The following CNTN1 variants were observed in gnomAD, a reference collection of about 807,000 sequenced individuals.
CNTN1 encodes contactin-1.
CNTN1 carries 38 observed loss-of-function variants against 126.4 expected under a neutral mutation model. The observed-to-expected ratio is 0.30, with a 90% CI of 0.23 to 0.39. The LOEUF (loss-of-function observed/expected upper bound fraction) is 0.39, where lower values mean the gene tolerates loss of function less well. Among genes scored for constraint, CNTN1 ranks in the 10% least tolerant of loss-of-function variants. The pLI is 1.00. For missense variants in CNTN1, 1,009 were observed against 1,248.4 expected, an observed-to-expected ratio of 0.81 and a Z score of 2.89; for synonymous variants, 413 against 422.6, an observed-to-expected ratio of 0.98 and a Z score of 0.28.
At position 41,025,142 on chromosome 12, in the gene CNTN1, G is replaced by A. The variant is rs1451903786; in HGVS notation, c.2524-8G>A. On this transcript the variant is annotated splice_region_variant and splice_polypyrimidine_tract_variant and intron_variant, in intron 20 of 23. Transcript: ENST00000551295. ...TGGCAAAATATAACTCATCCTGAAT[G>A]TTTGCAGATTCGGTATTGGGCTGCC... 6.2e-7 allele frequency: 1 copy of A among 1,613,618 alleles called. No homozygotes were observed.
At chr12:41,038,628 G>A (rs1406158205) in intron 23 of CNTN1, among the ~76,000 whole-genome samples, 1 of 152,118 alleles carries the variant, frequency 6.6e-6, no homozygotes, top group Non-Finnish European at 1.5e-5. Flanking sequence ...ACAAAATTCT[G>A]CCCAAACAGA....
Position 40,983,056 on chromosome 12 carries a change from A to T in CNTN1, c.1963+1989A>T, listed in dbSNP as rs889640736. On this transcript the variant is annotated intron_variant, in intron 16 of 23. Coordinates refer to ENST00000551295, the MANE Select transcript of CNTN1 (RefSeq NM_001843.4). ...GTATACATATGTAACAAACCTGCAC[A>T]TTGTGCACATGTACCCTAGAACTTA... Among the ~76,000 whole-genome samples the T allele has an allele frequency of 1.3e-5, 2 of 152,084 alleles. 1 individual carries two copies. Among genetic ancestry groups the T allele is most frequent in the Non-Finnish European group, 2.9e-5 (2 of 67,996 alleles).
chr12:40,845,382 A>G (rs1942460405), intron 1 of CNTN1, among the ~76,000 whole-genome samples: 1 of 152,230 alleles, frequency 6.6e-6, no homozygotes, highest in South Asian at 2.1e-4. Flanking sequence ...TGCAAGAAGA[A>G]TGAACACAGG....
At chr12:40,694,410 T>C (rs1454552257) in intron 1 of CNTN1, among the ~76,000 whole-genome samples, 1 of 152,222 alleles carries the variant, frequency 6.6e-6, no homozygotes, top group Non-Finnish European at 1.5e-5. Flanking sequence ...TTTTCACAGA[T>C]GAAGAAACTA....
chr12:41,003,579 CTTT>C (rs34754093), intron 17 of CNTN1, among the ~76,000 whole-genome samples: 2 of 141,688 alleles, frequency 1.4e-5, no homozygotes, highest in Admixed American at 7.1e-5. Flanking sequence ...TGGTCCTGGG[CTTT>C]TTTTTTTTTG....
intron 17 of CNTN1, among the ~76,000 whole-genome samples, chr12:41,003,371 C>G (rs77004737): frequency 6.6e-6 from 1 of 151,744 alleles, no homozygotes; most frequent in Non-Finnish European, 1.5e-5. Context: ...AGGATTTTTT[C>G]GTTGATGTTC....
chr12:40,718,474 C>T (rs1298340884), intron 1 of CNTN1, among the ~76,000 whole-genome samples: 3 of 152,114 alleles, frequency 2.0e-5, no homozygotes, highest in African/African-American at 7.2e-5. Flanking sequence ...CCATCATTCC[C>T]AGTGTTTTTC....
chr12:41,068,755 A>T (rs1358170964), intron 23 of CNTN1, among the ~76,000 whole-genome samples: 1 of 152,230 alleles, frequency 6.6e-6, no homozygotes, highest in Non-Finnish European at 1.5e-5. Context: ...ACTTCCAAAA[A>T]TTAATGAAAA....
chr12:41,031,098 G>A lies in CNTN1; in HGVS notation c.2980+1879G>A, dbSNP rs145350849. ...CACCCTTGGTTCATCATTCCTCACC[G>A]AAAGGAGAACCTAGCTTCTGGGATT... On this transcript the variant is annotated intron_variant, in intron 23 of 23. Coordinates refer to ENST00000551295, the MANE Select transcript of CNTN1 (RefSeq NM_001843.4). 1.4e-3 allele frequency among the ~76,000 whole-genome samples: 206 copies of A among 152,266 alleles called. 1 individual carries two copies. The East Asian group carries it at 0.018, about 13-fold the overall frequency.
At chr12:40,762,829 G>A (rs1395112976) in intron 1 of CNTN1, among the ~76,000 whole-genome samples, 1 of 152,022 alleles carries the variant, frequency 6.6e-6, no homozygotes, top group South Asian at 2.1e-4. Context: ...AATAATGAAA[G>A]CATGTAATTA....
intron 1 of CNTN1, among the ~76,000 whole-genome samples, chr12:40,759,939 C>G (rs1277130959): frequency 6.6e-6 from 1 of 152,096 alleles, no homozygotes; most frequent in African/African-American, 2.4e-5. Flanking sequence ...TAGGTGACCA[C>G]TCCCTTACCC....
At chr12:40,893,381 A>G (rs1171081527) in intron 1 of CNTN1, among the ~76,000 whole-genome samples, 1 of 152,120 alleles carries the variant, frequency 6.6e-6, no homozygotes, top group Non-Finnish European at 1.5e-5. Flanking sequence ...TAACAAAAAT[A>G]AAAGAGGACA....
intron 1 of CNTN1, among the ~76,000 whole-genome samples, chr12:40,725,229 C>T (rs1942319036): frequency 6.6e-6 from 1 of 151,836 alleles, no homozygotes; most frequent in Admixed American, 6.6e-5. Context: ...TGGAGAAACC[C>T]TGTCTCTGCT....
At chr12:40,997,199 T>C (rs1244285123) in intron 17 of CNTN1, among the ~76,000 whole-genome samples, 2 of 152,238 alleles carry the variant, frequency 1.3e-5, no homozygotes, top group African/African-American at 4.8e-5. Context: ...AAGTACCCTT[T>C]GAAATAATGT....
At chr12:40,929,560 A>T (rs1370497165) in intron 6 of CNTN1, among the ~76,000 whole-genome samples, 1 of 152,062 alleles carries the variant, frequency 6.6e-6, no homozygotes, top group Non-Finnish European at 1.5e-5. Context: ...AGAATATAAT[A>T]GTTTATTAAA....
At chr12:41,043,463 C>T (rs1949467162) in intron 23 of CNTN1, among the ~76,000 whole-genome samples, 1 of 152,124 alleles carries the variant, frequency 6.6e-6, no homozygotes, top group Non-Finnish European at 1.5e-5. Context: ...CATCTTACAC[C>T]AGTTAGAATG....
chr12:40,770,368 C>G (rs1260339911), intron 1 of CNTN1, among the ~76,000 whole-genome samples: 1 of 151,980 alleles, frequency 6.6e-6, no homozygotes, highest in Non-Finnish European at 1.5e-5. Context: ...TTCTAAAGGG[C>G]CAACTTAGAT....
rs577120628 is a variant in CNTN1, at chr12:40,792,736, G to T, written c.-77+100144G>T. Reference sequence around the variant, plus strand: ...TTTGTGGGTCTTTTTAGTTTTAATTGTTTATTTTTATCCTCCAAGACCCTT... The same window carrying T: ...TTTGTGGGTCTTTTTAGTTTTAATTTTTTATTTTTATCCTCCAAGACCCTT... On this transcript the variant is annotated intron_variant, in intron 1 of 23. Coordinates refer to ENST00000551295, the MANE Select transcript of CNTN1 (RefSeq NM_001843.4). Among the ~76,000 whole-genome samples the T allele has an allele frequency of 2.0e-5, 3 of 151,874 alleles. No individual in the cohort carries two copies. In the South Asian group the frequency reaches 6.2e-4, roughly 32 times the overall value.
At chr12:40,857,032 A>C (rs1942936918) in intron 1 of CNTN1, among the ~76,000 whole-genome samples, 1 of 152,118 alleles carries the variant, frequency 6.6e-6, no homozygotes, top group Non-Finnish European at 1.5e-5. Flanking sequence ...CATACATATT[A>C]ATAAGAGTTT....
Sources: allele counts gnomAD v4.1 joint callset (sites outside exome capture counted in the v4.1 genomes callset), GRCh38; gene constraint gnomAD v4.1.1; transcripts MANE v1.5; gene names NCBI Gene and HGNC (gene_info 2026-07-23, HGNC 2026-07-21).